ASPRV1: variants seen among roughly 807,000 people sequenced by gnomAD.
ASPRV1 encodes the protein aspartic peptidase retroviral like 1, also known as retroviral-like aspartic protease 1.
In ASPRV1, 7 loss-of-function variants were observed where a neutral mutation model predicts 11.0. That is an observed-to-expected ratio of 0.64 (90% confidence interval 0.36 to 1.20). The LOEUF is 1.20. ASPRV1 is among the 50% of genes most tolerant of loss of function. The pLI is 0.02. For missense variants in ASPRV1, 299 were observed against 320.0 expected, an observed-to-expected ratio of 0.93 and a Z score of 0.50; for synonymous variants, 136 against 138.4, an observed-to-expected ratio of 0.98 and a Z score of 0.12.
chr2:69,968,657 C>T, the ASPRV1 span: 1 of 152,226 alleles, frequency 6.6e-6, no homozygotes, highest in East Asian at 1.9e-4. Flanking sequence ...TTGAAAATTT[C>T]CCATAGTAAA....
chr2:70,081,522 A>G, the ASPRV1 span: 1 of 151,976 alleles, frequency 6.6e-6, no homozygotes, highest in South Asian at 2.1e-4. Flanking sequence ...TTCAACAGAT[A>G]TATTTCCAAC....
chr2:69,950,417 A>G, the ASPRV1 span, among the ~76,000 whole-genome samples: 1 of 152,190 alleles, frequency 6.6e-6, no homozygotes, highest in Non-Finnish European at 1.5e-5. Flanking sequence ...CATATTGTGT[A>G]TGTTTTGTGT....
chr2:70,037,755 C>T, the ASPRV1 span, among the ~76,000 whole-genome samples: 4 of 151,900 alleles, frequency 2.6e-5, no homozygotes, highest in African/African-American at 9.7e-5. Flanking sequence ...TAATTCATCA[C>T]ACATTTTCCT....
chr2:70,027,043 G>T, the ASPRV1 span, among the ~76,000 whole-genome samples: 1 of 151,940 alleles, frequency 6.6e-6, no homozygotes, highest in Non-Finnish European at 1.5e-5. Context: ...TTGCATCCAG[G>T]ATTTTCACAA....
the ASPRV1 span, among the ~76,000 whole-genome samples, chr2:69,991,942 T>A: frequency 6.6e-6 from 1 of 152,222 alleles, no homozygotes; most frequent in Non-Finnish European, 1.5e-5. Context: ...TCTCTGGTCA[T>A]GCCACCTCTC....
chr2:70,006,901 T>G, the ASPRV1 span, among the ~76,000 whole-genome samples: 1 of 152,212 alleles, frequency 6.6e-6, no homozygotes, highest in Non-Finnish European at 1.5e-5. Flanking sequence ...TGTGGCATAC[T>G]AATCCAGAGT....
chr2:70,031,148 T>A, the ASPRV1 span: 1 of 152,180 alleles, frequency 6.6e-6, no homozygotes, highest in Admixed American at 6.6e-5. Flanking sequence ...CACTCCTTCC[T>A]TGCTTCCTGT....
chr2:70,029,510 G>A, the ASPRV1 span, among the ~76,000 whole-genome samples: 116 of 152,118 alleles, frequency 7.6e-4, no homozygotes, highest in African/African-American at 2.4e-3. Context: ...GTGGTGGTGC[G>A]CACCTGCAGT....
chr2:70,063,448 C>T, the ASPRV1 span, among the ~76,000 whole-genome samples: 1 of 152,168 alleles, frequency 6.6e-6, no homozygotes, highest in East Asian at 1.9e-4. Flanking sequence ...GAACAGAGTC[C>T]TGAACTCCTA....
the ASPRV1 span, among the ~76,000 whole-genome samples, chr2:70,000,813 A>G: frequency 1.4e-5 from 2 of 147,276 alleles, no homozygotes; most frequent in Admixed American, 6.7e-5. Context: ...AAAAAAAAAA[A>G]AAAAGAAAGA....
At chr2:69,981,890 G>A in the ASPRV1 span, among the ~76,000 whole-genome samples, 10 of 152,300 alleles carry the variant, frequency 6.6e-5, no homozygotes, top group Admixed American at 5.9e-4. Flanking sequence ...TGCACAGGTT[G>A]GTAGAGCCCA....
the ASPRV1 span, among the ~76,000 whole-genome samples, chr2:70,014,117 GA>G: frequency 5.3e-5 from 8 of 152,058 alleles, no homozygotes; most frequent in Non-Finnish European, 8.8e-5. Context: ...ATGATTTCTT[GA>G]ATATAACACC....
At chr2:69,982,346 C>T in the ASPRV1 span, among the ~76,000 whole-genome samples, 1 of 151,776 alleles carries the variant, frequency 6.6e-6, no homozygotes, top group African/African-American at 2.4e-5. Context: ...GACCCAGCTA[C>T]TTGGGAGGCT....
downstream of ASPRV1, among the ~76,000 whole-genome samples, chr2:69,959,858 GATTGAAATAAGTAGAGGA>G (rs2104266918): frequency 6.6e-6 from 1 of 152,310 alleles, no homozygotes; most frequent in African/African-American, 2.4e-5. Flanking sequence ...AAATACTACA[GATTGAAATAAGTAGAGGA>G]ATTATGACGA....
At chr2:70,081,466 T>A in the ASPRV1 span, 1 of 149,906 alleles carries the variant, frequency 6.7e-6, no homozygotes, top group African/African-American at 2.5e-5. Flanking sequence ...CTGCACTCCA[T>A]CCTGGTGACA....
chr2:69,992,790 G>C, the ASPRV1 span, among the ~76,000 whole-genome samples: 1 of 152,128 alleles, frequency 6.6e-6, no homozygotes, highest in Non-Finnish European at 1.5e-5. Context: ...GGGAGAAATG[G>C]TTTCATCATT....
At chr2:69,969,110 C>G in the ASPRV1 span, among the ~76,000 whole-genome samples, 1 of 152,202 alleles carries the variant, frequency 6.6e-6, no homozygotes, top group Non-Finnish European at 1.5e-5. Context: ...TCCACACTCA[C>G]AGGGCCAAGG....
downstream of ASPRV1, among the ~76,000 whole-genome samples, chr2:69,955,360 C>A (rs1677914218): frequency 1.3e-5 from 2 of 152,206 alleles, no homozygotes; most frequent in Admixed American, 1.3e-4. Flanking sequence ...TGACACTGGC[C>A]CTCGAGGCAC....
the ASPRV1 span, among the ~76,000 whole-genome samples, chr2:70,044,945 T>C: frequency 1.6e-4 from 24 of 152,304 alleles, no homozygotes; most frequent in African/African-American, 4.8e-4. Flanking sequence ...AGTAAACCAA[T>C]TACCAGTGGT....
Sources: allele counts gnomAD v4.1 joint callset (sites outside exome capture counted in the v4.1 genomes callset), GRCh38; gene constraint gnomAD v4.1.1; transcripts MANE v1.5; gene names NCBI Gene and HGNC (gene_info 2026-07-23, HGNC 2026-07-21).